Variants in PSD3 observed in about 807,000 individuals in gnomAD.
PSD3 encodes the protein pleckstrin and Sec7 domain containing 3, also known as PH and SEC7 domain-containing protein 3.
In PSD3, 49 loss-of-function variants were observed where a neutral mutation model predicts 105.5. That is an observed-to-expected ratio of 0.46 (90% CI 0.37 to 0.59). PSD3 has a LOEUF of 0.59. Ranked by LOEUF, PSD3 falls within the 20% of genes least tolerant of loss-of-function variation. The probability of loss-of-function intolerance (pLI) is 0.00; values close to 1 mark genes in which losing one functional copy is unlikely to be tolerated. For missense variants in PSD3, 1,561 were observed against 1,263.8 expected, an observed-to-expected ratio of 1.24 and a Z score of -3.57; for synonymous variants, 557 against 457.8, an observed-to-expected ratio of 1.22 and a Z score of -2.77.
chr8:18,752,502 A>AT (rs1554489397), intron 9 of PSD3, among the ~76,000 whole-genome samples: 246 of 4,572 alleles, frequency 0.054, 9 homozygotes, highest in Middle Eastern at 0.5. Context: ...AATATATATA[A>AT]TATATATAAT....
chr8:18,904,291 C>T (rs967499547), intron 2 of PSD3, among the ~76,000 whole-genome samples: 1 of 152,172 alleles, frequency 6.6e-6, no homozygotes, highest in African/African-American at 2.4e-5. Context: ...CATGAGGGAT[C>T]AACCTTATAG....
At chr8:19,062,296 G>C (rs1294190227) in intron 1 of PSD3, among the ~76,000 whole-genome samples, 1 of 152,158 alleles carries the variant, frequency 6.6e-6, no homozygotes, top group African/African-American at 2.4e-5. Flanking sequence ...GAGGCAGACT[G>C]GTGTTCCTCT....
chr8:19,022,465 C>T (rs1164723626), intron 1 of PSD3, among the ~76,000 whole-genome samples: 1 of 152,244 alleles, frequency 6.6e-6, no homozygotes, highest in African/African-American at 2.4e-5. Flanking sequence ...ACAAGAGACA[C>T]TCACACATGC....
At position 19,003,360 on chromosome 8, in the gene PSD3, C is replaced by T. The variant is rs764097019; in HGVS notation, c.21+10203G>A. On this transcript the variant is annotated intron_variant, in intron 1 of 15. Coordinates refer to ENST00000327040, the MANE Select transcript of PSD3 (RefSeq NM_015310.4). The stretch of plus-strand genomic sequence containing the variant: ...AGTAGTCACTACACTCCAGCCTGGG[C>T]AACTGAGCAAGACCCCGTCTTTAAA... Among the ~76,000 whole-genome samples the T allele has an allele frequency of 7.9e-5, 12 of 151,784 alleles. 1 individual carries two copies. Among genetic ancestry groups the T allele is most frequent in the Non-Finnish European group, 1.8e-4 (12 of 67,918 alleles).
intron 1 of PSD3, among the ~76,000 whole-genome samples, chr8:19,024,091 G>C (rs749548277): frequency 2.0e-5 from 3 of 152,134 alleles, no homozygotes; most frequent in Admixed American, 6.6e-5. Flanking sequence ...CATTTGAGAA[G>C]AAAGTCCCCA....
chr8:18,545,038 A>T (rs1242388000), intron 15 of PSD3, among the ~76,000 whole-genome samples: 1 of 152,242 alleles, frequency 6.6e-6, no homozygotes, highest in African/African-American at 2.4e-5. Flanking sequence ...GAGAAGAAGA[A>T]GGAGATATGA....
At chr8:18,781,759 G>C (rs374847945) in intron 8 of PSD3, among the ~76,000 whole-genome samples, 1 of 152,154 alleles carries the variant, frequency 6.6e-6, no homozygotes, top group Non-Finnish European at 1.5e-5. Flanking sequence ...CAAGACTTGA[G>C]AAGTTTTTAC....
At chr8:19,004,401 C>T (rs942053800) in intron 1 of PSD3, among the ~76,000 whole-genome samples, 3 of 152,004 alleles carry the variant, frequency 2.0e-5, no homozygotes, top group Admixed American at 6.5e-5. Context: ...TTGGAAAATA[C>T]GTGAGGGCCT....
intron 2 of PSD3, among the ~76,000 whole-genome samples, chr8:18,922,530 C>G (rs572389425): frequency 2.6e-5 from 4 of 152,136 alleles, no homozygotes; most frequent in African/African-American, 7.2e-5. Flanking sequence ...CCCCACAAAC[C>G]GAGCAAGCAA....
At chr8:18,567,073 G>C (rs1332249678) in intron 14 of PSD3, among the ~76,000 whole-genome samples, 1 of 152,114 alleles carries the variant, frequency 6.6e-6, no homozygotes, top group Non-Finnish European at 1.5e-5. Flanking sequence ...GGAAAATCAA[G>C]GAAACACTCA....
chr8:18,947,586 G>A (rs563023061), intron 1 of PSD3, among the ~76,000 whole-genome samples: 3 of 152,324 alleles, frequency 2.0e-5, no homozygotes, highest in East Asian at 3.9e-4. Flanking sequence ...GAGCAGAGCC[G>A]CAGTGGCACG....
intron 8 of PSD3, among the ~76,000 whole-genome samples, chr8:18,788,480 C>G (rs534872446): frequency 6.6e-6 from 1 of 152,142 alleles, no homozygotes; most frequent in African/African-American, 2.4e-5. Context: ...AAAATCAGCC[C>G]TAGGAGAGCT....
chr8:18,856,599 A>G (rs1816029022), intron 4 of PSD3, among the ~76,000 whole-genome samples: 1 of 152,226 alleles, frequency 6.6e-6, no homozygotes, highest in Non-Finnish European at 1.5e-5. Context: ...TCTCTATACT[A>G]AAGACTTTAT....
At chr8:19,031,149 C>T (rs1406896749) in intron 1 of PSD3, among the ~76,000 whole-genome samples, 1 of 152,162 alleles carries the variant, frequency 6.6e-6, no homozygotes, top group South Asian at 2.1e-4. Flanking sequence ...TCTCTGTCTA[C>T]TGTAGGATTA....
intron 11 of PSD3, among the ~76,000 whole-genome samples, chr8:18,609,181 C>A (rs1563374261): frequency 6.6e-6 from 1 of 152,060 alleles, no homozygotes; most frequent in Non-Finnish European, 1.5e-5. Context: ...CCATTTTATT[C>A]CCCTCAGAGT....
chr8:19,083,461 G>T (rs1415975061), intron 1 of PSD3, among the ~76,000 whole-genome samples: 1 of 152,204 alleles, frequency 6.6e-6, no homozygotes, highest in Non-Finnish European at 1.5e-5. Flanking sequence ...AGCTGGAAAA[G>T]ACCTTGGAGG....
chr8:18,732,502 C>G (rs1430406615), intron 9 of PSD3, among the ~76,000 whole-genome samples: 6 of 152,226 alleles, frequency 3.9e-5, no homozygotes, highest in Non-Finnish European at 1.5e-5. Context: ...AATGGCCGAG[C>G]TGACCTGGGG....
intron 9 of PSD3, among the ~76,000 whole-genome samples, chr8:18,752,109 A>T (rs1427310142): frequency 2.0e-5 from 3 of 151,694 alleles, no homozygotes; most frequent in Non-Finnish European, 4.4e-5. Context: ...AATCACTTGA[A>T]CCCAGGAGGC....
At chr8:18,783,624 T>C (rs1253532349) in intron 8 of PSD3, among the ~76,000 whole-genome samples, 4 of 152,324 alleles carry the variant, frequency 2.6e-5, no homozygotes, top group Admixed American at 1.3e-4. Flanking sequence ...TTATGTTGTA[T>C]TTTCATTTTG....
Sources: allele counts gnomAD v4.1 joint callset (sites outside exome capture counted in the v4.1 genomes callset), GRCh38; gene constraint gnomAD v4.1.1; transcripts MANE v1.5; gene names NCBI Gene and HGNC (gene_info 2026-07-23, HGNC 2026-07-21).